COL28A1: variants seen among roughly 807,000 people sequenced by gnomAD.
The protein encoded by COL28A1 is collagen type XXVIII alpha 1 chain, also known as collagen alpha-1(XXVIII) chain.
Under a neutral mutation model 150.2 loss-of-function variants are expected in COL28A1, and 161 were observed. That is an observed-to-expected ratio of 1.07 (90% CI 0.94 to 1.22). The LOEUF is 1.22. Ranked by LOEUF, COL28A1 falls within the 50% of genes most tolerant of loss-of-function variation. COL28A1 has a pLI of 0.00. For synonymous variants in COL28A1, 552 were observed against 469.7 expected (o/e 1.18, Z -2.26); for missense variants, 1,617 against 1,388.3 (o/e 1.16, Z -2.62).
At chr7:7,433,862 G>A (rs1785158761) in intron 23 of COL28A1, among the ~76,000 whole-genome samples, 1 of 152,172 alleles carries the variant, frequency 6.6e-6, no homozygotes, top group Non-Finnish European at 1.5e-5. Flanking sequence ...TCTAACAACA[G>A]GCAGACCTTT....
At chr7:7,386,248 T>G (rs942541001) in intron 27 of COL28A1, among the ~76,000 whole-genome samples, 1 of 152,184 alleles carries the variant, frequency 6.6e-6, no homozygotes, top group African/African-American at 2.4e-5. Context: ...CAGGAAACAA[T>G]GATTTTTCTT....
chr7:7,497,592 T>C (rs1780290500), intron 11 of COL28A1, among the ~76,000 whole-genome samples: 1 of 152,186 alleles, frequency 6.6e-6, no homozygotes, highest in Non-Finnish European at 1.5e-5. Flanking sequence ...TTAAAGTATT[T>C]CAAAAATTGT....
chr7:7,425,322 G>A (rs1372062032), intron 25 of COL28A1, among the ~76,000 whole-genome samples: 1 of 152,130 alleles, frequency 6.6e-6, no homozygotes, highest in East Asian at 1.9e-4. Flanking sequence ...CTTTTCCATA[G>A]ACTTTCTTCC....
At chr7:7,520,205 G>A (rs956967219) in intron 5 of COL28A1, 90 bp from the exon 6 acceptor site, 1 of 644,102 alleles carries the variant, frequency 1.6e-6, no homozygotes, top group Non-Finnish European at 2.7e-6. Context: ...TTGTTTCCTA[G>A]AATGAGGGAG....
At chr7:7,515,725 A>C in intron 8 of COL28A1, 89 bp downstream of exon 8, 1 of 766,780 alleles carries the variant, frequency 1.3e-6, no homozygotes, top group Non-Finnish European at 2.3e-6. Context: ...AAAATAAAGA[A>C]AATAACTTTT....
rs1781389589 is a variant in COL28A1 at position 7,373,975 on chromosome 7, A to C, written c.2360-429T>G. On this transcript the variant is annotated intron_variant, in intron 31 of 34. Coordinates refer to ENST00000399429, the MANE Select transcript of COL28A1 (RefSeq NM_001037763.3). The surrounding 1 kb of genome is among the most constrained non-coding windows in gnomAD (Gnocchi z 4.1). Reference sequence around the variant, plus strand: ...CGGCCTCCCAAAGTGCTGGGATTACAGGCGTGAGCCACCGCGCCCGGCCCC... The same window carrying C: ...CGGCCTCCCAAAGTGCTGGGATTACCGGCGTGAGCCACCGCGCCCGGCCCC... Among the ~76,000 whole-genome samples, 1 of 148,078 alleles carries C rather than the reference A, an allele frequency of 6.8e-6. No homozygotes were observed.
Position 7,389,031 on chromosome 7 carries a change from C to T in COL28A1, c.2137-7419G>A, listed in dbSNP as rs140826888. Among the ~76,000 whole-genome samples the T allele has an allele frequency of 3.5e-3, 537 of 152,112 alleles. 5 individuals are homozygous for T. Among genetic ancestry groups the T allele is most frequent in the African/African-American group, 0.012 (512 of 41,494 alleles). The stretch of plus-strand genomic sequence containing the variant: ...CCCATTTGTCAATTTTGGCTTTGGT[C>T]GCCATTGCTTTTGGTATTTTAGTCA... On this transcript the variant is annotated intron_variant, in intron 27 of 34. Coordinates refer to ENST00000399429, the MANE Select transcript of COL28A1 (RefSeq NM_001037763.3).
intron 18 of COL28A1, among the ~76,000 whole-genome samples, chr7:7,447,469 A>C (rs1028305054): frequency 6.6e-6 from 1 of 151,694 alleles, no homozygotes; most frequent in African/African-American, 2.4e-5. Flanking sequence ...TAGGCGTTCA[A>C]AAAGGCTGAA....
At chr7:7,393,562 C>T (rs1414856868) in intron 27 of COL28A1, among the ~76,000 whole-genome samples, 1 of 152,188 alleles carries the variant, frequency 6.6e-6, no homozygotes, top group East Asian at 1.9e-4. Context: ...ACAGTCTCCC[C>T]TTCCCCCAGG....
rs192165817 is a variant in COL28A1 at position 7,494,236 on chromosome 7, C to T, written c.1027-3590G>A. On this transcript the variant is annotated intron_variant, in intron 11 of 34. Coordinates refer to ENST00000399429, the MANE Select transcript of COL28A1 (RefSeq NM_001037763.3). ...TACATTATCTCATTTAATCTTCTAACAATCATAGGAAATAGATTTTGGGGT... is the reference window on the plus strand; with the variant it reads ...TACATTATCTCATTTAATCTTCTAATAATCATAGGAAATAGATTTTGGGGT... Among the ~76,000 whole-genome samples, 5 of 152,270 alleles carry T rather than the reference C, an allele frequency of 3.3e-5. No individual in the cohort carries two copies. In the East Asian group the frequency reaches 9.6e-4, roughly 29 times the overall value.
chr7:7,423,558 AT>A (rs58083846), intron 25 of COL28A1, among the ~76,000 whole-genome samples: 60,540 of 150,982 alleles, frequency 0.4, 15,134 homozygotes, highest in African/African-American at 0.72. Context: ...ATGTTACATA[AT>A]TTTTTTTTTA....
At chr7:7,348,274 T>C in the COL28A1 span, among the ~76,000 whole-genome samples, 1 of 151,996 alleles carries the variant, frequency 6.6e-6, no homozygotes, top group Non-Finnish European at 1.5e-5. Flanking sequence ...AGTTACGTAG[T>C]GTAAGGGGGA....
At chr7:7,400,640 C>T (rs1446030801) in intron 27 of COL28A1, among the ~76,000 whole-genome samples, 1 of 151,686 alleles carries the variant, frequency 6.6e-6, no homozygotes, top group Non-Finnish European at 1.5e-5. Context: ...TTTTTGTCTG[C>T]TGGATTGTTT....
At chr7:7,440,948 C>A in intron 20 of COL28A1, 87 bp from the exon 21 acceptor site, 3 of 693,940 alleles carry the variant, frequency 4.3e-6, no homozygotes, top group Admixed American at 2.1e-5. Flanking sequence ...GAGCCGGATT[C>A]TCGACTAATA....
intron 21 of COL28A1, 96 bp from the exon 22 acceptor site, chr7:7,437,558 A>T: frequency 6.8e-7 from 1 of 1,470,336 alleles, no homozygotes; most frequent in Non-Finnish European, 9.0e-7. Context: ...AGATTTTTAA[A>T]TTATGTTATG....
chr7:7,460,245 T>C (rs1787500070), intron 15 of COL28A1, among the ~76,000 whole-genome samples: 1 of 152,234 alleles, frequency 6.6e-6, no homozygotes, highest in Non-Finnish European at 1.5e-5. Flanking sequence ...TGGATTCCTG[T>C]TGGTCCTTGC....
intron 13 of COL28A1, among the ~76,000 whole-genome samples, chr7:7,482,241 TTGGC>T (rs1779367148): frequency 6.6e-6 from 1 of 152,174 alleles, no homozygotes; most frequent in Non-Finnish European, 1.5e-5. Flanking sequence ...ATTCACATTG[TTGGC>T]TGAGCATGGT....
At chr7:7,463,428 T>G (rs1478539440) in intron 15 of COL28A1, among the ~76,000 whole-genome samples, 1 of 152,112 alleles carries the variant, frequency 6.6e-6, no homozygotes, top group African/African-American at 2.4e-5. Flanking sequence ...CTTTCCTGTA[T>G]AGGTAACCTA....
intron 27 of COL28A1, among the ~76,000 whole-genome samples, chr7:7,401,145 T>A (rs1350708310): frequency 1.3e-5 from 2 of 151,958 alleles, no homozygotes; most frequent in East Asian, 3.9e-4. Flanking sequence ...CTCACGTGGC[T>A]TCCAGGACAC....
Sources: allele counts gnomAD v4.1 joint callset (sites outside exome capture counted in the v4.1 genomes callset), GRCh38; gene constraint gnomAD v4.1.1; non-coding constraint Gnocchi (gnomAD v3.1); transcripts MANE v1.5; gene names NCBI Gene and HGNC (gene_info 2026-07-23, HGNC 2026-07-21).